Variants in SNTB1 observed in about 807,000 individuals in gnomAD.
The protein encoded by SNTB1 is syntrophin beta 1.
A neutral mutation model predicts 48.9 loss-of-function variants in SNTB1; 36 were observed. The observed-to-expected ratio is 0.74, with a 90% confidence interval of 0.56 to 0.97. The LOEUF is 0.97. SNTB1 is among the 50% of genes least tolerant of loss of function. The probability of loss-of-function intolerance (pLI) is 0.00; values close to 1 mark genes in which losing one functional copy is unlikely to be tolerated. For missense variants in SNTB1, 786 were observed against 703.4 expected, an observed-to-expected ratio of 1.12 and a Z score of -1.33; for synonymous variants, 299 against 294.6, an observed-to-expected ratio of 1.01 and a Z score of -0.15.
chr8:120,735,462 C>A (rs2129988793), intron 1 of SNTB1, among the ~76,000 whole-genome samples: 1 of 152,282 alleles, frequency 6.6e-6, no homozygotes, highest in African/African-American at 2.4e-5. Flanking sequence ...TGGAGATAGA[C>A]AGCCTCTTTA....
At chr8:120,694,934 A>G (rs1025313046) in intron 1 of SNTB1, among the ~76,000 whole-genome samples, 6 of 152,232 alleles carry the variant, frequency 3.9e-5, no homozygotes, top group Non-Finnish European at 7.3e-5. Flanking sequence ...AAACAAAAAT[A>G]GCTTAAGAGC....
At chr8:120,562,823 C>T (rs753919030) in intron 4 of SNTB1, among the ~76,000 whole-genome samples, 3 of 152,034 alleles carry the variant, frequency 2.0e-5, no homozygotes, top group Admixed American at 6.6e-5. Context: ...CACCCTTCCA[C>T]GCTGTGGAAG....
At chr8:120,570,222 C>A (rs1815821526) in intron 4 of SNTB1, 1 of 152,166 alleles carries the variant, frequency 6.6e-6, no homozygotes, top group Non-Finnish European at 1.5e-5. Context: ...TACTTTGTGT[C>A]CTCACAGAAA....
chr8:120,809,108 A>G (rs1299898033), intron 1 of SNTB1, among the ~76,000 whole-genome samples: 1 of 152,218 alleles, frequency 6.6e-6, no homozygotes, highest in Non-Finnish European at 1.5e-5. Flanking sequence ...GAATCCCTGT[A>G]TTAGACTAAG....
intron 2 of SNTB1, among the ~76,000 whole-genome samples, chr8:120,661,722 C>T (rs1221709887): frequency 6.6e-6 from 1 of 152,178 alleles, no homozygotes; most frequent in Non-Finnish European, 1.5e-5. Context: ...TGTTCAACTC[C>T]CACTTATGAG....
At chr8:120,627,097 C>T (rs1419877217) in intron 3 of SNTB1, among the ~76,000 whole-genome samples, 2 of 152,066 alleles carry the variant, frequency 1.3e-5, no homozygotes, top group African/African-American at 2.4e-5. Context: ...AACAGAGGTG[C>T]CATGGCCAAT....
At chr8:120,757,709 T>C (rs771183671) in intron 1 of SNTB1, among the ~76,000 whole-genome samples, 2 of 152,196 alleles carry the variant, frequency 1.3e-5, no homozygotes, top group African/African-American at 2.4e-5. Flanking sequence ...AACTGTAATG[T>C]TCTAGTGAGG....
intron 6 of SNTB1, 117 bp downstream of exon 6, chr8:120,541,693 A>T (rs534458434): frequency 6.5e-6 from 4 of 619,462 alleles, no homozygotes; most frequent in East Asian, 3.1e-5. Context: ...CAAATAAAAC[A>T]TGGGCTTGCA....
chr8:120,801,053 T>C (rs1370194419), intron 1 of SNTB1, among the ~76,000 whole-genome samples: 1 of 151,912 alleles, frequency 6.6e-6, no homozygotes, highest in Non-Finnish European at 1.5e-5. Flanking sequence ...CAGAAGAGGG[T>C]GTGGAGAAAG....
At chr8:120,655,332 G>C (rs1229618052) in intron 2 of SNTB1, among the ~76,000 whole-genome samples, 1 of 152,212 alleles carries the variant, frequency 6.6e-6, no homozygotes, top group Non-Finnish European at 1.5e-5. Flanking sequence ...AGATGTAAAA[G>C]AAAGAGGTAA....
At chr8:120,685,509 T>A (rs1818015566) in intron 2 of SNTB1, among the ~76,000 whole-genome samples, 1 of 152,152 alleles carries the variant, frequency 6.6e-6, no homozygotes, top group African/African-American at 2.4e-5. Flanking sequence ...CAGCCAAGGA[T>A]CAACATAACA....
Position 120,611,063 on chromosome 8 carries a change from G to A in SNTB1, c.996+21381C>T, listed in dbSNP as rs552211714. On this transcript the variant is annotated intron_variant, in intron 3 of 6. Transcript: ENST00000517992. ...CAGAGGTGGTGGTGGCAGTGGTTCT[G>A]TGGGTCTTGACCTCTTGCTGGCCAA... Among the ~76,000 whole-genome samples the A allele has an allele frequency of 4.6e-5, 7 of 152,336 alleles. No individual in the cohort carries two copies. The South Asian group carries it at 1.4e-3, about 32-fold the overall frequency.
chr8:120,561,251 C>A (rs557095058), intron 4 of SNTB1, among the ~76,000 whole-genome samples: 1 of 136,532 alleles, frequency 7.3e-6, no homozygotes, highest in Non-Finnish European at 1.5e-5. Context: ...ACCCAGGAGG[C>A]GGAGGTTGGA....
chr8:120,628,896 C>T (rs1446226794), intron 3 of SNTB1, among the ~76,000 whole-genome samples: 1 of 152,148 alleles, frequency 6.6e-6, no homozygotes, highest in Non-Finnish European at 1.5e-5. Context: ...CAGTGGCACA[C>T]ACTTGTAGTC....
At chr8:120,799,108 G>A (rs946363123) in intron 1 of SNTB1, among the ~76,000 whole-genome samples, 2 of 151,940 alleles carry the variant, frequency 1.3e-5, no homozygotes, top group Non-Finnish European at 2.9e-5. Flanking sequence ...TTTCAATTGG[G>A]ACATGCTGAG....
intron 1 of SNTB1, among the ~76,000 whole-genome samples, chr8:120,767,845 T>C (rs1183150938): frequency 1.3e-5 from 2 of 152,210 alleles, no homozygotes; most frequent in African/African-American, 4.8e-5. Flanking sequence ...AACTGCCATG[T>C]ATACCTTTCT....
intron 3 of SNTB1, among the ~76,000 whole-genome samples, chr8:120,623,720 G>C (rs1816828689): frequency 6.6e-6 from 1 of 152,188 alleles, no homozygotes; most frequent in Non-Finnish European, 1.5e-5. Context: ...GGGCAAAGAG[G>C]AGGTGACCAG....
At chr8:120,646,828 T>C (rs1244445169) in intron 2 of SNTB1, among the ~76,000 whole-genome samples, 2 of 152,170 alleles carry the variant, frequency 1.3e-5, no homozygotes, top group African/African-American at 4.8e-5. Context: ...TATTGATTAT[T>C]GCCACAACTT....
chr8:120,687,593 A>G (rs1252179901), intron 2 of SNTB1, among the ~76,000 whole-genome samples: 1 of 152,214 alleles, frequency 6.6e-6, no homozygotes, highest in African/African-American at 2.4e-5. Context: ...CCTTCTATTG[A>G]TTCCACACTC....
Sources: gnomAD v4.1 joint callset for allele counts (sites outside exome capture counted in the v4.1 genomes callset) on GRCh38, gnomAD v4.1.1 for gene constraint, MANE v1.5 for transcripts, NCBI Gene and HGNC (gene_info 2026-07-23, HGNC 2026-07-21) for gene names.